Variants in ABCA9 observed in about 807,000 individuals in gnomAD.
ABCA9 encodes ATP-binding cassette sub-family A member 9.
In ABCA9, 183 loss-of-function variants were observed where a neutral mutation model predicts 205.3. The ratio of observed to expected loss-of-function variants is 0.89; its 90% confidence interval spans 0.79 to 1.01. The LOEUF (loss-of-function observed/expected upper bound fraction) is 1.01. ABCA9 is among the 50% of genes least tolerant of loss of function. The pLI is 0.00. For missense variants in ABCA9, 1,805 were observed against 1,912.4 expected, an observed-to-expected ratio of 0.94 and a Z score of 1.05; for synonymous variants, 651 against 683.3, an observed-to-expected ratio of 0.95 and a Z score of 0.74.
chr17:69,001,431 G>A (rs1474193146), intron 25 of ABCA9, among the ~76,000 whole-genome samples: 47 of 147,728 alleles, frequency 3.2e-4, no homozygotes, highest in Admixed American at 6.1e-4. Flanking sequence ...ATTGATTTGC[G>A]TATATTGAAC....
chr17:69,057,385 C>T (rs2072099903), intron 1 of ABCA9, among the ~76,000 whole-genome samples: 5 of 152,136 alleles, frequency 3.3e-5, no homozygotes, highest in Admixed American at 3.3e-4. Context: ...CAGCCTTGGC[C>T]TTGAGGGTAA....
In ABCA9 at chr17:69,000,558, T is replaced by C. The variant is rs1486169524; in HGVS notation, c.3436-4544A>G. Among the ~76,000 whole-genome samples, 4 of 146,412 alleles carry C rather than the reference T, an allele frequency of 2.7e-5. 1 individual carries two copies. In the South Asian group the frequency reaches 6.6e-4, roughly 24 times the overall value. On this transcript the variant is annotated intron_variant, in intron 25 of 38. Transcript: ENST00000340001. ...TGTAGTATAGTTTGAAGTCAGGTAG[T>C]GTGATGCCTCCAGCTTTGTTCTTTT...
intron 3 of ABCA9, among the ~76,000 whole-genome samples, chr17:69,048,487 T>A (rs543917018): frequency 6.6e-6 from 1 of 152,294 alleles, no homozygotes; most frequent in African/African-American, 2.4e-5. Context: ...GGCTAGTCTC[T>A]AAGCTATCTG....
At chr17:69,057,054 A>T (rs1362950101) in intron 1 of ABCA9, among the ~76,000 whole-genome samples, 1 of 152,206 alleles carries the variant, frequency 6.6e-6, no homozygotes, top group Non-Finnish European at 1.5e-5. Flanking sequence ...TTGGTGTATT[A>T]TAGACAAACT....
chr17:68,981,969 A>G (rs1474874649), intron 37 of ABCA9, among the ~76,000 whole-genome samples: 2 of 151,988 alleles, frequency 1.3e-5, no homozygotes, highest in Admixed American at 6.6e-5. Context: ...ATACACTAAC[A>G]TGACAGGGAA....
the ABCA9 span, among the ~76,000 whole-genome samples, chr17:69,070,559 C>G: frequency 6.6e-6 from 1 of 152,198 alleles, no homozygotes; most frequent in Non-Finnish European, 1.5e-5. Context: ...TGCACTCCGG[C>G]CCAGATACTA....
intron 27 of ABCA9, 33 bp downstream of exon 27, chr17:68,992,983 A>G (rs2069503759): frequency 6.5e-7 from 1 of 1,536,922 alleles, no homozygotes; most frequent in East Asian, 2.2e-5. Context: ...GTGTTCCCTC[A>G]TGCAAGAATG....
intron 6 of ABCA9, among the ~76,000 whole-genome samples, chr17:69,041,100 T>A (rs1415964992): frequency 6.6e-6 from 1 of 152,214 alleles, no homozygotes; most frequent in Admixed American, 6.5e-5. Context: ...ATATGGCAAC[T>A]GGCTTATAGT....
rs1347574557 is a variant in ABCA9 at position 69,007,873 on chromosome 17, C to T, written c.3322-1G>A. 1 of 1,572,864 alleles carries T rather than the reference C, an allele frequency of 6.4e-7. No homozygotes were observed. Among genetic ancestry groups the T allele is most frequent in the Admixed American group, 1.7e-5 (1 of 58,740 alleles). ...AGACATAGCCAATACTACACAGGAT[C>T]TGAAAACAGAAATGTTAAGGTCCAA... On this transcript the variant is annotated splice_acceptor_variant, in intron 24 of 38. Transcript: ENST00000340001. LOFTEE classifies it high-confidence loss of function.
At chr17:68,984,208 T>C in intron 34 of ABCA9, 33 bp from the exon 35 acceptor site, 1 of 1,609,326 alleles carries the variant, frequency 6.2e-7, no homozygotes. Flanking sequence ...CGTGAACTCA[T>C]GGGAATGCTC....
upstream of ABCA9, among the ~76,000 whole-genome samples, chr17:69,062,517 T>C (rs1567982179): frequency 1.3e-5 from 2 of 152,018 alleles, no homozygotes; most frequent in Non-Finnish European, 1.5e-5. Flanking sequence ...TATTTATTTA[T>C]TTATTTATTT....
the ABCA9 span, among the ~76,000 whole-genome samples, chr17:69,072,730 T>A: frequency 6.6e-6 from 1 of 151,674 alleles, no homozygotes. Context: ...AATGACAGGA[T>A]CAAATTCACA....
At chr17:69,017,936 C>T (rs1284486964) in intron 20 of ABCA9, 147 bp from the exon 21 acceptor site, 2 of 851,380 alleles carry the variant, frequency 2.3e-6, no homozygotes, top group African/African-American at 1.7e-5. Context: ...TGTTCTGGTA[C>T]AACAATCCAG....
intron 1 of ABCA9, among the ~76,000 whole-genome samples, chr17:69,052,475 T>C (rs903482025): frequency 6.6e-6 from 1 of 152,116 alleles, no homozygotes; most frequent in Non-Finnish European, 1.5e-5. Context: ...GTGGCAGAAA[T>C]GTTGCAATTA....
chr17:69,043,572 G>C lies in ABCA9; in HGVS notation c.717C>G (p.Tyr239Ter), dbSNP rs1467497308. 6.2e-7 allele frequency: 1 copy of C among 1,611,844 alleles called. No homozygotes were observed. Residue 239 changes from tyrosine to a stop codon, truncating the protein, a stop_gained, in exon 6 of 39, where the codon TAC (tyrosine) becomes TAG (stop). Transcript: ENST00000340001. LOFTEE classifies it high-confidence loss of function. ...FCIISFSTFI[Y>*]YVSVNVTQER... ...CTTGTGTAACATTGACTGATACATAGTATATAAATGTAGAAAAAGAAATAA... is the reference window on the plus strand; with the variant it reads ...CTTGTGTAACATTGACTGATACATACTATATAAATGTAGAAAAAGAAATAA...
intron 6 of ABCA9, among the ~76,000 whole-genome samples, chr17:69,036,115 A>T (rs915618265): frequency 2.6e-5 from 4 of 152,138 alleles, no homozygotes; most frequent in Non-Finnish European, 5.9e-5. Flanking sequence ...GCTCTGGACA[A>T]GTTTTTCAGT....
intron 3 of ABCA9, among the ~76,000 whole-genome samples, chr17:69,049,026 A>G (rs930508728): frequency 1.6e-4 from 25 of 152,192 alleles, no homozygotes; most frequent in African/African-American, 6.0e-4. Flanking sequence ...CTTTTCACAA[A>G]CATACATTTA....
Position 69,007,805 on chromosome 17 carries a change from C to G in ABCA9, c.3389G>C (p.Arg1130Pro). The change falls in exon 25 of 39, where the codon CGC becomes CCC. Residue 1130 changes from arginine to proline, a missense_variant. Coordinates refer to ENST00000340001, the MANE Select transcript of ABCA9 (RefSeq NM_080283.4). The part of the protein sequence containing the change: ...FLTYVISFIF[R>P]NGRKNSGIWS... ...AATGCCACTATTTTTTCTCCCATTG[C>G]GAAAAATGAATGAAATCACATATGT... 1 of 1,610,992 alleles carries G rather than the reference C, an allele frequency of 6.2e-7. No individual in the cohort carries two copies. The highest frequency in any genetic ancestry group is 1.1e-5 in the South Asian group (1 of 90,872).
chr17:68,992,895 G>GTGCACGCATGCATGCATGTGCATGTGTT, intron 27 of ABCA9, 121 bp downstream of exon 27: 1 of 709,754 alleles, frequency 1.4e-6, no homozygotes, highest in African/African-American at 1.8e-5. Flanking sequence ...GTGCATGTGT[G>GTGCACGCATGCATGCATGTGCATGTGTT]TGTTGCTTCA....
Sources: allele counts gnomAD v4.1 joint callset (sites outside exome capture counted in the v4.1 genomes callset), GRCh38; gene constraint gnomAD v4.1.1; transcripts MANE v1.5; gene names NCBI Gene and HGNC (gene_info 2026-07-23, HGNC 2026-07-21).